Variants in MYO16 observed in about 807,000 individuals in gnomAD.
MYO16 encodes unconventional myosin-XVI.
MYO16 carries 94 observed loss-of-function variants against 205.3 expected under a neutral mutation model. The observed-to-expected ratio is 0.46, with a 90% CI of 0.39 to 0.54. MYO16 has a LOEUF of 0.54. MYO16 is among the 20% of genes least tolerant of loss of function. MYO16 has a pLI of 0.00. For synonymous variants in MYO16, 988 were observed against 954.0 expected, an observed-to-expected ratio of 1.04 and a Z score of -0.66; for missense variants, 2,315 against 2,387.5, an observed-to-expected ratio of 0.97 and a Z score of 0.63.
At chr13:108,540,873 G>T in the MYO16 span, among the ~76,000 whole-genome samples, 2 of 152,268 alleles carry the variant, frequency 1.3e-5, no homozygotes, top group East Asian at 3.9e-4. Context: ...CCAAGAAAGA[G>T]AAAGTCCTGT....
intron 1 of MYO16, among the ~76,000 whole-genome samples, chr13:108,649,803 G>T (rs980278369): frequency 3.9e-5 from 6 of 152,150 alleles, no homozygotes; most frequent in Admixed American, 6.5e-5. Context: ...TGGACACAGA[G>T]AAACTTATCT....
At chr13:108,870,260 G>T (rs1303392139) in intron 12 of MYO16, among the ~76,000 whole-genome samples, 1 of 151,756 alleles carries the variant, frequency 6.6e-6, no homozygotes, top group African/African-American at 2.4e-5. Context: ...ACATTTTGAT[G>T]TTTTATCCTT....
chr13:109,048,153 ATGTGTGTGTGTGTGTGTG>A (rs34750704), intron 24 of MYO16, among the ~76,000 whole-genome samples: 6,872 of 141,158 alleles, frequency 0.049, 246 homozygotes, highest in Non-Finnish European at 0.07. Flanking sequence ...TTAATAGGAT[ATGTGTGTGTGTGTGTGTG>A]TGTGTGTGTG....
At chr13:109,066,828 T>C (rs980392802) in intron 27 of MYO16, among the ~76,000 whole-genome samples, 8 of 152,142 alleles carry the variant, frequency 5.3e-5, no homozygotes, top group Non-Finnish European at 1.2e-4. Context: ...AACTAAACCT[T>C]GATCTACTCG....
chr13:108,895,511 A>G (rs1256251423), intron 14 of MYO16, among the ~76,000 whole-genome samples: 1 of 152,344 alleles, frequency 6.6e-6, no homozygotes, highest in Non-Finnish European at 1.5e-5. Flanking sequence ...AAAGAATGCC[A>G]TGGGGTATTT....
Position 109,140,417 on chromosome 13 carries a change from C to T in MYO16, c.4205C>T (p.Pro1402Leu), listed in dbSNP as rs1384818976. The change falls in exon 32 of 35, where the codon CCG (proline) becomes CTG (leucine). Residue 1402 changes from proline (P) to leucine (L), a missense_variant. Pro to Leu is a moderately conservative substitution (Grantham distance 98). Transcript: ENST00000457511. This position sits in a 1 kb window ranked among gnomAD's most constrained non-coding sequence, Gnocchi z 8.0. ...GGGGACGCGAGGCCCGCGGGCGCCC[C>T]GGGGGCAGCAGCGCGCGTTCTGACC... ...RPGDARPAGA[P>L]GAAARVLTPG... 12 of 1,575,770 alleles carry T rather than the reference C, an allele frequency of 7.6e-6. No homozygotes were observed. The highest frequency in any genetic ancestry group is 1.0e-5 in the Non-Finnish European group (12 of 1,167,480).
the MYO16 span, among the ~76,000 whole-genome samples, chr13:108,585,601 G>A: frequency 6.6e-6 from 1 of 152,196 alleles, no homozygotes; most frequent in South Asian, 2.1e-4. Context: ...ATTCTCTATA[G>A]AATGTGGATT....
chr13:108,990,545 C>T (rs1317367211), intron 20 of MYO16, among the ~76,000 whole-genome samples: 1 of 152,030 alleles, frequency 6.6e-6, no homozygotes, highest in Non-Finnish European at 1.5e-5. Context: ...TTTTCTTATA[C>T]CATTTTAATT....
intron 10 of MYO16, among the ~76,000 whole-genome samples, chr13:108,853,793 T>C (rs1205839133): frequency 6.6e-6 from 1 of 152,156 alleles, no homozygotes; most frequent in East Asian, 1.9e-4. Flanking sequence ...AATTAGTTTT[T>C]AATAAGCATT....
intron 16 of MYO16, among the ~76,000 whole-genome samples, chr13:108,942,449 A>G (rs555375248): frequency 6.6e-6 from 1 of 152,270 alleles, no homozygotes; most frequent in Admixed American, 6.5e-5. Context: ...ATGCACACAG[A>G]GAGTTTCTGA....
chr13:108,519,941 A>G, the MYO16 span, among the ~76,000 whole-genome samples: 3 of 152,212 alleles, frequency 2.0e-5, no homozygotes, highest in African/African-American at 4.8e-5. Flanking sequence ...TTGTTTTAAT[A>G]TACCATATCT....
intron 27 of MYO16, among the ~76,000 whole-genome samples, chr13:109,072,834 T>C (rs1194348870): frequency 6.6e-6 from 1 of 152,150 alleles, no homozygotes; most frequent in African/African-American, 2.4e-5. Context: ...CATTTCCTGG[T>C]TGAGAATTTG....
chr13:108,650,753 A>T (rs1880963229), intron 1 of MYO16, among the ~76,000 whole-genome samples: 1 of 152,194 alleles, frequency 6.6e-6, no homozygotes, highest in African/African-American at 2.4e-5. Flanking sequence ...TTGAGCTCTT[A>T]CATCTTGAAG....
chr13:108,504,108 TTTTTGTTTTG>T, the MYO16 span, among the ~76,000 whole-genome samples: 18 of 152,104 alleles, frequency 1.2e-4, no homozygotes, highest in Admixed American at 3.9e-4. Flanking sequence ...GATCTCTAGA[TTTTTGTTTTG>T]TTTTGTTTTG....
At chr13:108,721,966 C>G (rs1227582318) in intron 3 of MYO16, among the ~76,000 whole-genome samples, 2 of 152,014 alleles carry the variant, frequency 1.3e-5, no homozygotes, top group African/African-American at 4.8e-5. Context: ...GGCAGGTTAC[C>G]CATATAGTCA....
At chr13:109,022,676 A>ACG (rs1840624515) in intron 23 of MYO16, among the ~76,000 whole-genome samples, 2 of 55,896 alleles carry the variant, frequency 3.6e-5, no homozygotes, top group East Asian at 5.7e-4. Flanking sequence ...TATTATATAT[A>ACG]CACATATAAA....
At chr13:108,547,412 T>G in the MYO16 span, among the ~76,000 whole-genome samples, 12 of 152,176 alleles carry the variant, frequency 7.9e-5, no homozygotes, top group African/African-American at 2.9e-4. Context: ...GGCCCCTGAT[T>G]GTGACATTTC....
the MYO16 span, among the ~76,000 whole-genome samples, chr13:108,516,186 T>C: frequency 1.2e-4 from 18 of 152,238 alleles, no homozygotes; most frequent in East Asian, 3.5e-3. Context: ...TGGTGCGCCA[T>C]TTTTTAAGCC....
intron 9 of MYO16, among the ~76,000 whole-genome samples, chr13:108,842,753 A>T (rs539785863): frequency 6.6e-6 from 1 of 152,254 alleles, no homozygotes; most frequent in African/African-American, 2.4e-5. Flanking sequence ...ACAATTCTGG[A>T]TATTTTATTC....
Sources: gnomAD v4.1 joint callset for allele counts (sites outside exome capture counted in the v4.1 genomes callset) on GRCh38, gnomAD v4.1.1 for gene constraint, Gnocchi (gnomAD v3.1) non-coding constraint, MANE v1.5 for transcripts, NCBI Gene and HGNC (gene_info 2026-07-23, HGNC 2026-07-21) for gene names.